ZDHHC14: variants seen among roughly 807,000 people sequenced by gnomAD.
ZDHHC14 encodes the protein palmitoyltransferase ZDHHC14.
A neutral mutation model predicts 47.7 loss-of-function variants in ZDHHC14; 16 were observed. That is an observed-to-expected ratio of 0.34 (90% CI 0.23 to 0.51). ZDHHC14 has a LOEUF of 0.51. Ranked by LOEUF, ZDHHC14 falls within the 20% of genes least tolerant of loss-of-function variation. The pLI, the probability that ZDHHC14 is intolerant of heterozygous loss-of-function variation, is 0.97. For missense variants in ZDHHC14, 515 were observed against 662.5 expected, an observed-to-expected ratio of 0.78 and a Z score of 2.44; for synonymous variants, 293 against 278.9, an observed-to-expected ratio of 1.05 and a Z score of -0.50.
chr6:157,660,932 C>T (rs142102645), intron 8 of ZDHHC14, among the ~76,000 whole-genome samples: 3 of 152,198 alleles, frequency 2.0e-5, no homozygotes, highest in South Asian at 2.1e-4. Context: ...AGGATTTGAA[C>T]GGAATGTGCT....
At chr6:157,390,696 T>TA (rs1353725708) in intron 1 of ZDHHC14, among the ~76,000 whole-genome samples, 2 of 152,174 alleles carry the variant, frequency 1.3e-5, no homozygotes, top group Non-Finnish European at 2.9e-5. Flanking sequence ...ATCTTTTTTT[T>TA]ATTTTGAACA....
At chr6:157,595,069 T>TAA (rs1260932391) in intron 3 of ZDHHC14, among the ~76,000 whole-genome samples, 1 of 152,114 alleles carries the variant, frequency 6.6e-6, no homozygotes, top group Non-Finnish European at 1.5e-5. Context: ...CTAAAGGTCT[T>TAA]ACTGGGCACT....
chr6:157,495,120 T>C (rs1780027037), intron 1 of ZDHHC14, among the ~76,000 whole-genome samples: 1 of 152,240 alleles, frequency 6.6e-6, no homozygotes, highest in African/African-American at 2.4e-5. Flanking sequence ...CCCAAGGAGA[T>C]TTATAGTGTT....
At chr6:157,446,022 T>C (rs1252672283) in intron 1 of ZDHHC14, among the ~76,000 whole-genome samples, 1 of 152,224 alleles carries the variant, frequency 6.6e-6, no homozygotes, top group Non-Finnish European at 1.5e-5. Flanking sequence ...CAGGTTTTGA[T>C]AATTACCCTT....
intron 1 of ZDHHC14, among the ~76,000 whole-genome samples, chr6:157,471,312 A>G (rs1008489404): frequency 6.6e-6 from 1 of 152,092 alleles, no homozygotes; most frequent in Non-Finnish European, 1.5e-5. Flanking sequence ...AACTAACAGG[A>G]CTCATGAGGG....
At chr6:157,620,597 A>T (rs985337837) in intron 3 of ZDHHC14, among the ~76,000 whole-genome samples, 7 of 152,224 alleles carry the variant, frequency 4.6e-5, no homozygotes, top group African/African-American at 1.7e-4. Context: ...GAGGGTGGAT[A>T]TCTCCACACA....
At chr6:157,484,389 C>T (rs1252557077) in intron 1 of ZDHHC14, among the ~76,000 whole-genome samples, 4 of 142,064 alleles carry the variant, frequency 2.8e-5, no homozygotes, top group East Asian at 2.0e-4. Flanking sequence ...CACATATATA[C>T]GTATATATAC....
At chr6:157,467,140 G>C (rs1779238268) in intron 1 of ZDHHC14, among the ~76,000 whole-genome samples, 1 of 152,184 alleles carries the variant, frequency 6.6e-6, no homozygotes, top group East Asian at 1.9e-4. Flanking sequence ...CGCATTGCAA[G>C]ATTTTTTTAC....
In ZDHHC14 at chr6:157,537,107, C is replaced by T. The variant is rs1268072088; in HGVS notation, c.246-5478C>T. On this transcript the variant is annotated intron_variant, in intron 1 of 8. Coordinates refer to ENST00000359775, the MANE Select transcript of ZDHHC14 (RefSeq NM_024630.3). ...TGCTGGGATTACAGGCGTGAGCCAC[C>T]GCGCCCGGCTCCATCTATCTTTTTA... Among the ~76,000 whole-genome samples, 3 of 55,654 alleles carry T rather than the reference C, an allele frequency of 5.4e-5. 1 individual carries two copies. Among genetic ancestry groups the T allele is most frequent in the African/African-American group, 1.7e-4 (3 of 17,694 alleles). The allele number at this position is 55,654 out of a possible 152,430, so 36.5% of individuals were successfully genotyped here. A position where few individuals can be genotyped will look rare whatever the true frequency, so the allele number is the denominator to read the frequency against.
At chr6:157,583,921 T>C (rs1316061795) in intron 2 of ZDHHC14, among the ~76,000 whole-genome samples, 1 of 98,222 alleles carries the variant, frequency 1.0e-5, no homozygotes, top group East Asian at 3.1e-4. Context: ...TGGCCTGGGA[T>C]GGGGCAGCTG....
In ZDHHC14 at chr6:157,645,733, T is replaced by C. The variant is rs771268343; in HGVS notation, c.753-4T>C. ...CTTCCGCTTGCCTCCTTGACTCGCA[T>C]CACCGTCCTGGAGGCTGTGGTGTGC... On this transcript the variant is annotated splice_region_variant and splice_polypyrimidine_tract_variant and intron_variant, in intron 5 of 8. Coordinates refer to ENST00000359775, the MANE Select transcript of ZDHHC14 (RefSeq NM_024630.3). 3.7e-6 allele frequency: 6 copies of C among 1,613,290 alleles called. No individual in the cohort carries two copies. The highest frequency in any genetic ancestry group is 1.7e-5 in the Admixed American group (1 of 59,950).
intron 1 of ZDHHC14, among the ~76,000 whole-genome samples, chr6:157,524,696 T>C (rs1049900673): frequency 2.0e-5 from 3 of 152,218 alleles, no homozygotes; most frequent in African/African-American, 7.2e-5. Context: ...ACTAATAATT[T>C]AAAAGGTTTT....
chr6:157,560,641 C>T lies in ZDHHC14; in HGVS notation c.406+17896C>T, dbSNP rs144218545. ...TATTCCCTATGATGAGCATGTGTTA[C>T]CTTTATAATTAGAAGAAAAAAAATC... is the stretch of plus-strand genomic sequence containing the variant. On this transcript the variant is annotated intron_variant, in intron 2 of 8. Transcript: ENST00000359775. Among the ~76,000 whole-genome samples the T allele has an allele frequency of 6.3e-4, 96 of 152,028 alleles. 1 individual carries two copies. The East Asian group carries it at 0.017, about 26-fold the overall frequency.
chr6:157,505,215 G>A (rs1307611856), intron 1 of ZDHHC14, among the ~76,000 whole-genome samples: 3 of 152,212 alleles, frequency 2.0e-5, no homozygotes, highest in Non-Finnish European at 4.4e-5. Context: ...CAGTTTCCTA[G>A]GGAGGGAGTC....
intron 1 of ZDHHC14, among the ~76,000 whole-genome samples, chr6:157,442,531 C>T (rs952858830): frequency 2.6e-5 from 4 of 152,160 alleles, no homozygotes; most frequent in Non-Finnish European, 5.9e-5. Flanking sequence ...ACTCTAAGCC[C>T]CGCTCTCCCA....
chr6:157,500,670 TG>T (rs1780173022), intron 1 of ZDHHC14, among the ~76,000 whole-genome samples: 1 of 152,192 alleles, frequency 6.6e-6, no homozygotes. Flanking sequence ...AGAGATGCTG[TG>T]GACCACAACC....
intron 8 of ZDHHC14, among the ~76,000 whole-genome samples, chr6:157,665,354 T>G (rs1176475763): frequency 1.3e-5 from 2 of 152,112 alleles, no homozygotes; most frequent in Non-Finnish European, 2.9e-5. Flanking sequence ...GAGTTAGCCG[T>G]GGGGTGTGAC....
At chr6:157,668,212 T>C (rs1272039774) in intron 8 of ZDHHC14, among the ~76,000 whole-genome samples, 1 of 152,196 alleles carries the variant, frequency 6.6e-6, no homozygotes, top group Non-Finnish European at 1.5e-5. Flanking sequence ...TCATTATTAC[T>C]ACAAAAGCAG....
intron 3 of ZDHHC14, among the ~76,000 whole-genome samples, chr6:157,625,289 G>C (rs1388790525): frequency 9.9e-5 from 15 of 152,152 alleles, no homozygotes; most frequent in Non-Finnish European, 2.9e-5. Context: ...GATGCCTGGG[G>C]TTCTGAGTTG....
Sources: allele counts gnomAD v4.1 joint callset (sites outside exome capture counted in the v4.1 genomes callset), GRCh38; gene constraint gnomAD v4.1.1; transcripts MANE v1.5; gene names NCBI Gene and HGNC (gene_info 2026-07-23, HGNC 2026-07-21).